The following CYB5R4 variants were observed in gnomAD, a reference collection of about 807,000 sequenced individuals.
CYB5R4 encodes the protein cytochrome b5 reductase 4.
In CYB5R4, 55 loss-of-function variants were observed where a neutral mutation model predicts 70.2. The observed-to-expected ratio is 0.78, with a 90% CI of 0.63 to 0.98. The LOEUF (loss-of-function observed/expected upper bound fraction) is 0.98, where lower values mean the gene tolerates loss of function less well. CYB5R4 is among the 50% of genes least tolerant of loss of function. The pLI is 0.00. For synonymous variants in CYB5R4, 197 were observed against 199.5 expected (o/e 0.99, Z 0.11); for missense variants, 562 against 612.6 (o/e 0.92, Z 0.87).
chr6:83,955,560 AC>A, intron 15 of CYB5R4, 98 bp downstream of exon 15: 1 of 1,137,640 alleles, frequency 8.8e-7, no homozygotes, highest in Non-Finnish European at 1.2e-6. Context: ...ATGAAACTGC[AC>A]TTTAATAATC....
chr6:83,949,114 C>CTT lies in CYB5R4; in HGVS notation c.1347-6168_1347-6167dup, dbSNP rs35294668. 1.2e-4 allele frequency among the ~76,000 whole-genome samples: 15 copies of CTT among 125,830 alleles called. No homozygotes were observed. The South Asian group carries it at 2.6e-3, about 22-fold the overall frequency. The allele number at this position is 125,830 out of a possible 152,430, so 82.5% of individuals were successfully genotyped here. On this transcript the variant is annotated intron_variant, in intron 14 of 15. Transcript: ENST00000369681. The stretch of plus-strand genomic sequence containing the variant: ...CCCCATAGACTCCTGGCGTTTTGGG[C>CTT]TTTTTTTTTTTTTTTTTAGTGAGGT...
At chr6:83,873,320 A>G (rs1427283146) in intron 2 of CYB5R4, among the ~76,000 whole-genome samples, 2 of 148,160 alleles carry the variant, frequency 1.3e-5, no homozygotes, top group Non-Finnish European at 3.0e-5. Flanking sequence ...GCTCACTGCA[A>G]TCTCCACCTC....
At chr6:83,891,360 T>C (rs1235664426) in intron 2 of CYB5R4, among the ~76,000 whole-genome samples, 2 of 152,206 alleles carry the variant, frequency 1.3e-5, no homozygotes, top group African/African-American at 4.8e-5. Flanking sequence ...TACACCTGTA[T>C]AATAAAGCAC....
Position 83,940,136 on chromosome 6 carries a change from G to T in CYB5R4, c.1189G>T (p.Ala397Ser). The T allele has an allele frequency of 6.2e-7, 1 of 1,611,866 alleles. No individual in the cohort carries two copies. The highest frequency in any genetic ancestry group is 8.5e-7 in the Non-Finnish European group (1 of 1,178,652). The change falls in exon 13 of 16, where the codon GCA becomes TCA. Residue 397 changes from alanine to serine, a missense_variant. By Grantham distance (99) the Ala-to-Ser change is moderately conservative. Transcript: ENST00000369681. ...AGAATTAGAAGATCTCTTTTTGTTG[G>T]CAGCTGGAACAGGCTTCACACCAAT... ...FQELEDLFLLAAGTGFTPMVK... is the reference protein window; with the variant it reads ...FQELEDLFLLSAGTGFTPMVK...
chr6:83,870,375 A>G (rs1323343504), intron 2 of CYB5R4, among the ~76,000 whole-genome samples: 1 of 151,858 alleles, frequency 6.6e-6, no homozygotes. Context: ...TTCAGTAATG[A>G]TAACGAAAGC....
chr6:83,875,933 G>A (rs1378747749), intron 2 of CYB5R4, among the ~76,000 whole-genome samples: 6 of 152,048 alleles, frequency 3.9e-5, no homozygotes, highest in Admixed American at 3.3e-4. Context: ...TGACTTTCTC[G>A]GAATTTAGCC....
At chr6:83,947,952 G>A (rs1241765614) in intron 14 of CYB5R4, among the ~76,000 whole-genome samples, 38 of 152,150 alleles carry the variant, frequency 2.5e-4, no homozygotes, top group Non-Finnish European at 4.6e-4. Flanking sequence ...CCTTGTGGAA[G>A]ACAGTGTGGT....
chr6:83,937,868 A>C (rs2129142732), intron 12 of CYB5R4, among the ~76,000 whole-genome samples: 1 of 152,330 alleles, frequency 6.6e-6, no homozygotes, highest in East Asian at 1.9e-4. Flanking sequence ...GAGATCTATT[A>C]AGATTTAAAA....
At chr6:83,940,331 CT>C in intron 13 of CYB5R4, 125 bp downstream of exon 13, 1 of 1,115,122 alleles carries the variant, frequency 9.0e-7, no homozygotes, top group Non-Finnish European at 1.2e-6. Context: ...TCATTTCTTA[CT>C]TTGCCTCCTC....
chr6:83,909,665 A>G (rs1013786841), intron 4 of CYB5R4, among the ~76,000 whole-genome samples: 3 of 152,228 alleles, frequency 2.0e-5, no homozygotes, highest in Non-Finnish European at 4.4e-5. Flanking sequence ...TGAAGAAACC[A>G]TGGGTAAACA....
intron 14 of CYB5R4, among the ~76,000 whole-genome samples, chr6:83,950,532 A>C (rs1189475373): frequency 6.6e-6 from 1 of 152,206 alleles, no homozygotes; most frequent in Non-Finnish European, 1.5e-5. Context: ...GGGGTGGGAC[A>C]GGTGGTACAG....
At chr6:83,873,944 A>T (rs2099458071) in intron 2 of CYB5R4, among the ~76,000 whole-genome samples, 1 of 152,122 alleles carries the variant, frequency 6.6e-6, no homozygotes, top group African/African-American at 2.4e-5. Context: ...CATGCAAAGG[A>T]TGGGTGGTGT....
intron 2 of CYB5R4, among the ~76,000 whole-genome samples, chr6:83,867,725 G>T (rs1489582547): frequency 6.6e-6 from 1 of 152,212 alleles, no homozygotes; most frequent in Non-Finnish European, 1.5e-5. Flanking sequence ...GTAGGCCGAG[G>T]TGGCCTGTAT....
At chr6:83,881,887 ACTT>A (rs1385556799) in intron 2 of CYB5R4, among the ~76,000 whole-genome samples, 1 of 152,158 alleles carries the variant, frequency 6.6e-6, no homozygotes, top group Non-Finnish European at 1.5e-5. Flanking sequence ...TACCACATTT[ACTT>A]TAAATTATTA....
chr6:83,916,776 A>G (rs2099465583), intron 5 of CYB5R4, among the ~76,000 whole-genome samples: 1 of 152,156 alleles, frequency 6.6e-6, no homozygotes, highest in East Asian at 1.9e-4. Context: ...GTCTTGAAAC[A>G]AAACGTTTGT....
chr6:83,947,491 G>A (rs2129144418), intron 14 of CYB5R4, among the ~76,000 whole-genome samples: 1 of 152,244 alleles, frequency 6.6e-6, no homozygotes, highest in South Asian at 2.1e-4. Context: ...ACAGGCATGG[G>A]CAAAGACTTC....
Position 83,962,652 on chromosome 6 carries a change from G to A in CYB5R4, c.*2774G>A, listed in dbSNP as rs535816402. 1 of 152,348 alleles carries A rather than the reference G, an allele frequency of 6.6e-6. No individual in the cohort carries two copies. The highest frequency in any genetic ancestry group is 6.5e-5 in the Admixed American group (1 of 15,300). The allele number at this position is 152,348 out of a possible 1,614,324, so 9.4% of individuals were successfully genotyped here. On this transcript the variant is annotated 3_prime_UTR_variant, in exon 16 of 16. Coordinates refer to ENST00000369681, the MANE Select transcript of CYB5R4 (RefSeq NM_016230.4). ...CCTCTGCTTAAAGCCTCACAAGGCT[G>A]TAATCAGATTGTCAGCTGAGCTGGG...
In CYB5R4 at chr6:83,914,372, T is replaced by G. The variant is rs776393292; in HGVS notation, c.413-44T>G. ...ATGTGGACTGACATTCTCATTGACA[T>G]TAAAGTATTCTTATTTGACTTTTTT... On this transcript the variant is annotated intron_variant, in intron 4 of 15. Coordinates refer to ENST00000369681, the MANE Select transcript of CYB5R4 (RefSeq NM_016230.4). 6 of 1,501,266 alleles carry G rather than the reference T, an allele frequency of 4.0e-6. No homozygotes were observed. The South Asian group carries it at 6.1e-5, about 15-fold the overall frequency. The allele number at this position is 1,501,266 out of a possible 1,614,324, so 93.0% of individuals were successfully genotyped here.
chr6:83,883,312 T>G (rs935678341), intron 2 of CYB5R4, among the ~76,000 whole-genome samples: 1 of 152,148 alleles, frequency 6.6e-6, no homozygotes, highest in African/African-American at 2.4e-5. Flanking sequence ...CAGAAAAATA[T>G]TTGAAGAAAT....
Sources: gnomAD v4.1 joint callset for allele counts (sites outside exome capture counted in the v4.1 genomes callset) on GRCh38, gnomAD v4.1.1 for gene constraint, MANE v1.5 for transcripts, NCBI Gene and HGNC (gene_info 2026-07-23, HGNC 2026-07-21) for gene names.